NSUN4: variants seen among roughly 807,000 people sequenced by gnomAD.
NSUN4 encodes 5-cytosine rRNA methyltransferase NSUN4.
Under a neutral mutation model 43.8 loss-of-function variants are expected in NSUN4, and 31 were observed. The observed-to-expected ratio is 0.71, with a 90% CI of 0.53 to 0.96. NSUN4 has a LOEUF of 0.96. Ranked by LOEUF, NSUN4 falls within the 40% of genes least tolerant of loss-of-function variation. The pLI, the probability that NSUN4 is intolerant of heterozygous loss-of-function variation, is 0.00. For synonymous variants in NSUN4, 167 were observed against 184.1 expected (o/e 0.91, Z 0.75); for missense variants, 439 against 475.6 (o/e 0.92, Z 0.72).
chr1:46,370,320 G>T, the NSUN4 span, among the ~76,000 whole-genome samples: 2 of 152,142 alleles, frequency 1.3e-5, no homozygotes, highest in African/African-American at 4.8e-5. Flanking sequence ...GTTAGCATAC[G>T]AAACCTTTCA....
At chr1:46,381,052 C>T in the NSUN4 span, among the ~76,000 whole-genome samples, 1 of 152,232 alleles carries the variant, frequency 6.6e-6, no homozygotes, top group African/African-American at 2.4e-5. Flanking sequence ...GGATGGGTTA[C>T]TAGCTAGTTC....
In NSUN4 at chr1:46,341,082, C is replaced by T. The variant is rs1032286161; in HGVS notation, c.93+163C>T. 3.4e-6 allele frequency: 4 copies of T among 1,171,446 alleles called. No homozygotes were observed. The African/African-American group carries it at 4.7e-5, about 14-fold the overall frequency. 72.6% of individuals were successfully genotyped at this position (1,171,446 alleles called of 1,614,324 possible). On this transcript the variant is annotated intron_variant, in intron 1 of 5. Coordinates refer to ENST00000474844, the MANE Select transcript of NSUN4 (RefSeq NM_199044.4). ...TCTTTTCCGTCACCGCCTCTGTCCG[C>T]ACTCTATGTCCCGAGCGTTAGTGTC...
intron 1 of NSUN4, 42 bp from the exon 2 acceptor site, chr1:46,344,759 T>G: frequency 1.3e-6 from 2 of 1,563,534 alleles, no homozygotes; most frequent in Admixed American, 1.7e-5. Context: ...GGGGGTAGAG[T>G]CAAGACTGGG....
chr1:46,361,519 C>G (rs776172193), intron 5 of NSUN4, 51 bp from the exon 6 acceptor site: 1 of 1,554,198 alleles, frequency 6.4e-7, no homozygotes, highest in South Asian at 1.2e-5. Flanking sequence ...TGTTGCTCTT[C>G]TACTGCTGGG....
chr1:46,359,402 G>A (rs1286252743), intron 4 of NSUN4, among the ~76,000 whole-genome samples: 3 of 151,360 alleles, frequency 2.0e-5, no homozygotes, highest in East Asian at 1.9e-4. Context: ...TTTTCGAGGC[G>A]AAGTCTCACT....
chr1:46,374,232 G>T, the NSUN4 span, among the ~76,000 whole-genome samples: 676 of 141,908 alleles, frequency 4.8e-3, 5 homozygotes, highest in African/African-American at 0.017. Context: ...GATGTGGTGA[G>T]CCGAGATCGC....
At chr1:46,378,713 T>C in the NSUN4 span, among the ~76,000 whole-genome samples, 1 of 152,224 alleles carries the variant, frequency 6.6e-6, no homozygotes, top group Admixed American at 6.5e-5. Flanking sequence ...GTCTATGGTT[T>C]GGTGGGTGGT....
chr1:46,346,748 T>C (rs143045629), intron 2 of NSUN4, among the ~76,000 whole-genome samples, 173 bp from the exon 3 acceptor site: 7 of 152,150 alleles, frequency 4.6e-5, no homozygotes, highest in Non-Finnish European at 1.0e-4. Flanking sequence ...AAATAAATAA[T>C]CATTCTGGCT....
intron 1 of NSUN4, chr1:46,341,234 C>G: frequency 9.2e-7 from 1 of 1,092,858 alleles, no homozygotes; most frequent in Non-Finnish European, 1.1e-6. Context: ...CTGTCCCCCA[C>G]TCCCCCTTTT....
At chr1:46,372,204 G>A in the NSUN4 span, among the ~76,000 whole-genome samples, 1 of 149,588 alleles carries the variant, frequency 6.7e-6, no homozygotes, top group Non-Finnish European at 1.5e-5. Context: ...GCAGTGGCGC[G>A]ATCTCGGCTC....
chr1:46,364,035 G>A lies in NSUN4; in HGVS notation c.*2189G>A, dbSNP rs1557746892. ...AAATAGAAAATAGGCTAGGCACAGT[G>A]GCTCACGCCTGTAATCTCAACACTT... is the stretch of plus-strand genomic sequence containing the variant. On this transcript the variant is annotated 3_prime_UTR_variant, in exon 6 of 6. Coordinates refer to ENST00000474844, the MANE Select transcript of NSUN4 (RefSeq NM_199044.4). 1 of 151,876 alleles carries A rather than the reference G, an allele frequency of 6.6e-6. No individual in the cohort carries two copies. Among genetic ancestry groups the A allele is most frequent in the Non-Finnish European group, 1.5e-5 (1 of 68,020 alleles). 9.4% of individuals were successfully genotyped at this position (151,876 alleles called of 1,614,324 possible).
chr1:46,368,476 G>A (rs61784612), downstream of NSUN4, among the ~76,000 whole-genome samples: 1,827 of 152,212 alleles, frequency 0.012, 12 homozygotes, highest in Middle Eastern at 0.041. Context: ...GCTCTTCTGC[G>A]GCTCTGTGAA....
At chr1:46,356,716 A>G (rs1387985367) in intron 4 of NSUN4, among the ~76,000 whole-genome samples, 1 of 151,596 alleles carries the variant, frequency 6.6e-6, no homozygotes, top group Admixed American at 6.6e-5. Context: ...GAAGAAGAAG[A>G]AGAATACTAC....
chr1:46,363,761 C>T lies in NSUN4; in HGVS notation c.*1915C>T, dbSNP rs1664018157. ...AAACTGGAATATTCACATAATAGAA[C>T]ATTATACAATTGTCAAATGAACTAT... On this transcript the variant is annotated 3_prime_UTR_variant, in exon 6 of 6. Transcript: ENST00000474844. 3 of 152,498 alleles carry T rather than the reference C, an allele frequency of 2.0e-5. No individual in the cohort carries two copies. Among genetic ancestry groups the T allele is most frequent in the Admixed American group, 2.0e-4 (3 of 15,266 alleles). 9.4% of individuals were successfully genotyped at this position (152,498 alleles called of 1,614,324 possible).
Position 46,353,041 on chromosome 1 carries a change from T to A in NSUN4, c.753+13T>A. On this transcript the variant is annotated intron_variant, in intron 4 of 5. Coordinates refer to ENST00000474844, the MANE Select transcript of NSUN4 (RefSeq NM_199044.4). The stretch of plus-strand genomic sequence containing the variant: ...CACCTATGACCGGGTGAGTGATTCT[T>A]GATTTAGGACATGCATCCAGCTTAA... 1 of 1,613,602 alleles carries A rather than the reference T, an allele frequency of 6.2e-7. No homozygotes were observed.
chr1:46,362,114 G>A lies in NSUN4; in HGVS notation c.*268G>A. On this transcript the variant is annotated 3_prime_UTR_variant, in exon 6 of 6. Transcript: ENST00000474844. Reference sequence around the variant, plus strand: ...TTGCTGCCCGCTTAGGGGCTTAGAAGGAGAAGCCAGTGAGCAGGCTCACAC... The same window carrying A: ...TTGCTGCCCGCTTAGGGGCTTAGAAAGAGAAGCCAGTGAGCAGGCTCACAC... 2.0e-6 allele frequency: 1 copy of A among 492,258 alleles called. No individual in the cohort carries two copies. The highest frequency in any genetic ancestry group is 3.7e-6 in the Non-Finnish European group (1 of 273,690). The allele number at this position is 492,258 out of a possible 1,614,324, so 30.5% of individuals were successfully genotyped here.
At chr1:46,376,600 G>A in the NSUN4 span, among the ~76,000 whole-genome samples, 1 of 151,962 alleles carries the variant, frequency 6.6e-6, no homozygotes, top group African/African-American at 2.4e-5. Flanking sequence ...ACCACAACAA[G>A]CAAGTTAATA....
chr1:46,359,551 A>AT (rs1404750267), intron 4 of NSUN4, among the ~76,000 whole-genome samples: 1,018 of 56,950 alleles, frequency 0.018, 9 homozygotes, highest in Middle Eastern at 0.1. Context: ...GCCCGGCTAA[A>AT]TTTTTTTTTT....
the NSUN4 span, among the ~76,000 whole-genome samples, chr1:46,384,426 C>T: frequency 6.6e-6 from 1 of 152,124 alleles, no homozygotes; most frequent in Non-Finnish European, 1.5e-5. Flanking sequence ...TGCACCAACC[C>T]ATGGATGGAT....
Sources: gnomAD v4.1 joint callset for allele counts (sites outside exome capture counted in the v4.1 genomes callset) on GRCh38, gnomAD v4.1.1 for gene constraint, MANE v1.5 for transcripts, NCBI Gene and HGNC (gene_info 2026-07-23, HGNC 2026-07-21) for gene names.